CNST: variants seen among roughly 807,000 people sequenced by gnomAD.
CNST encodes the protein consortin.
A neutral mutation model predicts 72.4 loss-of-function variants in CNST; 39 were observed. The ratio of observed to expected loss-of-function variants is 0.54; its 90% CI spans 0.42 to 0.70. CNST has a LOEUF of 0.70. CNST is among the 30% of genes least tolerant of loss of function. The probability of loss-of-function intolerance (pLI) is 0.00; values close to 1 mark genes in which losing one functional copy is unlikely to be tolerated. For missense variants in CNST, 871 were observed against 868.5 expected (o/e 1.00, Z -0.04); for synonymous variants, 332 against 320.1 (o/e 1.04, Z -0.40).
chr1:246,588,634 C>T (rs1001802950), intron 1 of CNST, among the ~76,000 whole-genome samples: 2 of 152,010 alleles, frequency 1.3e-5, no homozygotes, highest in Non-Finnish European at 2.9e-5. Context: ...TAAAAATTTT[C>T]AAAGGGAAAA....
chr1:246,634,695 A>G lies in CNST; in HGVS notation c.818+108A>G. ...TTTATGTTTTCAACTGGAGAAATTA[A>G]GATGGATATAATATAATTATTGCAA... is the stretch of plus-strand genomic sequence containing the variant. On this transcript the variant is annotated intron_variant, in intron 6 of 10. Transcript: ENST00000366513. 6 of 671,738 alleles carry G rather than the reference A, an allele frequency of 8.9e-6. No homozygotes were observed. In the South Asian group the frequency reaches 9.9e-5, roughly 11 times the overall value. The allele number at this position is 671,738 out of a possible 1,614,324, so 41.6% of individuals were successfully genotyped here.
chr1:246,632,359 G>A (rs1299801925), intron 4 of CNST: 3 of 268,782 alleles, frequency 1.1e-5, no homozygotes, highest in Non-Finnish European at 1.5e-5. Context: ...GGTGAATCTC[G>A]TCGTATCTGT....
At chr1:246,643,806 G>A (rs905408426) in intron 8 of CNST, among the ~76,000 whole-genome samples, 19 of 152,286 alleles carry the variant, frequency 1.2e-4, no homozygotes, top group African/African-American at 3.4e-4. Flanking sequence ...GTGACTCTCC[G>A]AATGTAGTTT....
Position 246,665,965 on chromosome 1 carries a change from A to G in CNST, c.*60A>G. 7.9e-7 allele frequency: 1 copy of G among 1,264,300 alleles called. No homozygotes were observed. Among genetic ancestry groups the G allele is most frequent in the Non-Finnish European group, 1.1e-6 (1 of 886,926 alleles). 78.3% of individuals were successfully genotyped at this position (1,264,300 alleles called of 1,614,324 possible). A position where few individuals can be genotyped will look rare whatever the true frequency, so the allele number is the denominator to read the frequency against. On this transcript the variant is annotated 3_prime_UTR_variant, in exon 11 of 11. Coordinates refer to ENST00000366513, the MANE Select transcript of CNST (RefSeq NM_152609.3). The stretch of plus-strand genomic sequence containing the variant: ...GTGAAAGGCGGGAGACTTTCTAAAC[A>G]GTTTTTCTTTCAGGAATTCTGTAGC...
At chr1:246,619,651 G>GA (rs1663925147) in intron 2 of CNST, among the ~76,000 whole-genome samples, 1 of 152,216 alleles carries the variant, frequency 6.6e-6, no homozygotes, top group Non-Finnish European at 1.5e-5. Flanking sequence ...AACATAAATA[G>GA]GCTTAAACAG....
At chr1:246,626,846 A>G (rs1664470967) in intron 3 of CNST, among the ~76,000 whole-genome samples, 2 of 152,140 alleles carry the variant, frequency 1.3e-5, no homozygotes, top group African/African-American at 4.8e-5. Flanking sequence ...TACAAACTCA[A>G]ACTTTGATTT....
chr1:246,644,388 CAAAAAAAA>C (rs58278885), intron 8 of CNST, among the ~76,000 whole-genome samples: 169 of 102,158 alleles, frequency 1.7e-3, no homozygotes, highest in Admixed American at 6.0e-3. Flanking sequence ...ACTCTGTCTC[CAAAAAAAA>C]AAAAAAAAAA....
chr1:246,567,247 T>A (rs1166198427), intron 1 of CNST, among the ~76,000 whole-genome samples: 2 of 152,254 alleles, frequency 1.3e-5, no homozygotes, highest in Non-Finnish European at 2.9e-5. Context: ...ATGCTTACTG[T>A]ATTCCTTATG....
Position 246,666,837 on chromosome 1 carries a change from G to A in CNST, c.*932G>A, listed in dbSNP as rs907303770. ...TAAGTAAGATACAGTTCCCACTGTAGGTGTTTTAATCCTGGTCTTATATAG... is the reference window on the plus strand; with the variant it reads ...TAAGTAAGATACAGTTCCCACTGTAAGTGTTTTAATCCTGGTCTTATATAG... On this transcript the variant is annotated 3_prime_UTR_variant, in exon 11 of 11. Coordinates refer to ENST00000366513, the MANE Select transcript of CNST (RefSeq NM_152609.3). 6.6e-6 allele frequency: 1 copy of A among 152,182 alleles called. No individual in the cohort carries two copies. The highest frequency in any genetic ancestry group is 1.5e-5 in the Non-Finnish European group (1 of 68,030). 9.4% of individuals were successfully genotyped at this position (152,182 alleles called of 1,614,324 possible).
intron 2 of CNST, among the ~76,000 whole-genome samples, chr1:246,608,787 G>C (rs910675175): frequency 2.0e-5 from 3 of 152,188 alleles, no homozygotes; most frequent in African/African-American, 7.2e-5. Flanking sequence ...ACTGCCACCT[G>C]AAATCAAGTC....
chr1:246,585,593 C>T (rs950851772), intron 1 of CNST, among the ~76,000 whole-genome samples: 3 of 145,456 alleles, frequency 2.1e-5, no homozygotes, highest in African/African-American at 7.7e-5. Context: ...TTGCAGTGAG[C>T]CAAGATCACA....
chr1:246,585,675 A>C (rs1661113883), intron 1 of CNST, among the ~76,000 whole-genome samples: 1 of 83,544 alleles, frequency 1.2e-5, no homozygotes, highest in Non-Finnish European at 2.2e-5. Context: ...ATACACACAC[A>C]CACACACACA....
In CNST at chr1:246,647,315, G is replaced by A; in HGVS notation, c.1114G>A (p.Ala372Thr). ...ELLCSAEATL[A>T]LHTQSSETAG... The stretch of plus-strand genomic sequence containing the variant: ...GCTCTGCAGCGCTGAAGCCACGTTA[G>A]CGCTCCACACCCAGTCCTCCGAGAC... The change falls in exon 9 of 11, where the codon GCG becomes ACG. Residue 372 changes from alanine (A) to threonine (T), a missense_variant. By Grantham distance (58) the Ala-to-Thr change is moderately conservative. Transcript: ENST00000366513. 1.2e-6 allele frequency: 2 copies of A among 1,614,176 alleles called. No individual in the cohort carries two copies. The highest frequency in any genetic ancestry group is 2.7e-5 in the African/African-American group (2 of 75,058).
At chr1:246,620,109 G>A (rs1473709639) in intron 2 of CNST, among the ~76,000 whole-genome samples, 2 of 27,866 alleles carry the variant, frequency 7.2e-5, no homozygotes, top group African/African-American at 2.5e-4. Context: ...CAGGGAGGAC[G>A]GCTTCATCGT....
intron 6 of CNST, among the ~76,000 whole-genome samples, chr1:246,637,306 G>T (rs1294278780): frequency 6.6e-6 from 1 of 152,174 alleles, no homozygotes; most frequent in Non-Finnish European, 1.5e-5. Context: ...AGCTTTTTGT[G>T]AGGATCAGGT....
chr1:246,581,030 C>T (rs549224634), intron 1 of CNST, among the ~76,000 whole-genome samples: 45 of 152,246 alleles, frequency 3.0e-4, no homozygotes, highest in Admixed American at 6.5e-4. Flanking sequence ...TGCGCCACCA[C>T]GCCCAGCCTG....
intron 2 of CNST, among the ~76,000 whole-genome samples, chr1:246,614,512 A>AT (rs147741779): frequency 1.8e-4 from 25 of 141,466 alleles, no homozygotes; most frequent in South Asian, 4.5e-4. Flanking sequence ...ACTGCAATAA[A>AT]TTTTTTTTTT....
intron 1 of CNST, among the ~76,000 whole-genome samples, chr1:246,590,455 C>T (rs182531126): frequency 1.8e-4 from 28 of 152,248 alleles, no homozygotes; most frequent in African/African-American, 6.7e-4. Flanking sequence ...CCCTTTTCGC[C>T]TGTCTTATAA....
At chr1:246,617,285 G>A (rs1017471208) in intron 2 of CNST, among the ~76,000 whole-genome samples, 3 of 152,194 alleles carry the variant, frequency 2.0e-5, no homozygotes, top group Non-Finnish European at 4.4e-5. Flanking sequence ...CAGTATTGGT[G>A]AATAATAACC....
Sources: allele counts gnomAD v4.1 joint callset (sites outside exome capture counted in the v4.1 genomes callset), GRCh38; gene constraint gnomAD v4.1.1; transcripts MANE v1.5; gene names NCBI Gene and HGNC (gene_info 2026-07-23, HGNC 2026-07-21).